Variants in LYST observed in about 807,000 individuals in gnomAD.
LYST encodes the protein lysosomal trafficking regulator.
In LYST, 192 loss-of-function variants were observed where a neutral mutation model predicts 413.6. That is an observed-to-expected ratio of 0.46 (90% CI 0.41 to 0.52). The LOEUF is 0.52. Ranked by LOEUF, LYST falls within the 20% of genes least tolerant of loss-of-function variation. LYST has a pLI of 0.00. For missense variants in LYST, 3,815 were observed against 4,499.9 expected (o/e 0.85, Z 4.35); for synonymous variants, 1,525 against 1,567.3 (o/e 0.97, Z 0.64).
chr1:235,853,828 C>A (rs557954825), intron 1 of LYST, among the ~76,000 whole-genome samples: 1 of 152,110 alleles, frequency 6.6e-6, no homozygotes, highest in Non-Finnish European at 1.5e-5. Flanking sequence ...CACACTAAAA[C>A]GCACCAAACT....
At chr1:235,757,835 T>C (rs181510711) in intron 23 of LYST, among the ~76,000 whole-genome samples, 20 of 152,258 alleles carry the variant, frequency 1.3e-4, no homozygotes, top group African/African-American at 4.8e-4. Flanking sequence ...ATGTCCATCA[T>C]TGCAGAAAGT....
chr1:235,791,393 C>T (rs943744324), intron 12 of LYST, among the ~76,000 whole-genome samples: 1 of 151,954 alleles, frequency 6.6e-6, no homozygotes, highest in African/African-American at 2.4e-5. Flanking sequence ...CAGGAGCCAC[C>T]CTAATCCAGT....
At chr1:235,673,558 A>G (rs1182209825) in intron 50 of LYST, among the ~76,000 whole-genome samples, 1 of 151,994 alleles carries the variant, frequency 6.6e-6, no homozygotes, top group Non-Finnish European at 1.5e-5. Flanking sequence ...CGAAGGAGTC[A>G]CCGCCCCCCA....
chr1:235,874,212 C>T (rs1387402499), intron 1 of LYST, among the ~76,000 whole-genome samples: 1 of 152,222 alleles, frequency 6.6e-6, no homozygotes, highest in African/African-American at 2.4e-5. Flanking sequence ...CCAACTCTAC[C>T]TAGTCCCACA....
intron 1 of LYST, among the ~76,000 whole-genome samples, chr1:235,873,624 G>T (rs1382740053): frequency 6.6e-6 from 1 of 152,076 alleles, no homozygotes; most frequent in Admixed American, 6.5e-5. Context: ...AGAGAGATTT[G>T]GGTCTATTAT....
intron 38 of LYST, among the ~76,000 whole-genome samples, chr1:235,727,751 T>C (rs1664019087): frequency 1.3e-5 from 2 of 152,174 alleles, no homozygotes; most frequent in African/African-American, 2.4e-5. Context: ...AGGTACTTGA[T>C]AGTGAACTGG....
At chr1:235,882,444 G>C (rs1446025303) in intron 1 of LYST, among the ~76,000 whole-genome samples, 1 of 152,152 alleles carries the variant, frequency 6.6e-6, no homozygotes, top group Non-Finnish European at 1.5e-5. Flanking sequence ...CCATTAAGCT[G>C]GATATATGCC....
In LYST at chr1:235,661,361, T is replaced by G. The variant is rs1023032835; in HGVS notation, c.*1579A>C. 6.6e-6 allele frequency: 1 copy of G among 152,516 alleles called. No individual in the cohort carries two copies. The highest frequency in any genetic ancestry group is 2.4e-5 in the African/African-American group (1 of 41,420). The allele number at this position is 152,516 out of a possible 1,614,324, so 9.4% of individuals were successfully genotyped here. A position where few individuals can be genotyped will look rare whatever the true frequency, so the allele number is the denominator to read the frequency against. On this transcript the variant is annotated 3_prime_UTR_variant, in exon 53 of 53. Coordinates refer to ENST00000389793, the MANE Select transcript of LYST (RefSeq NM_000081.4). ...TAATTTAAAGTTCTCAGTAAAAAAA[T>G]GAAAGCTAGACAATAGCTGCAATTT...
Position 235,810,557 on chromosome 1 carries a change from C to T in LYST, c.284-23G>A, listed in dbSNP as rs200965362. 548 of 1,595,610 alleles carry T rather than the reference C, an allele frequency of 3.4e-4. 5 individuals carry two copies. The highest frequency in any genetic ancestry group is 3.0e-3 in the South Asian group (269 of 90,766). On this transcript the variant is annotated intron_variant, in intron 4 of 52. Coordinates refer to ENST00000389793, the MANE Select transcript of LYST (RefSeq NM_000081.4). ...AATCTAATGGAATGAAAAAAGAAGGCTTAGAATACCTCAATATGTTTTAAA... is the reference window on the plus strand; with the variant it reads ...AATCTAATGGAATGAAAAAAGAAGGTTTAGAATACCTCAATATGTTTTAAA...
At chr1:235,767,158 C>A (rs746819166) in intron 20 of LYST, among the ~76,000 whole-genome samples, 5 of 152,078 alleles carry the variant, frequency 3.3e-5, no homozygotes, top group Non-Finnish European at 7.4e-5. Context: ...TTATATCCTC[C>A]AATTCCATCT....
chr1:235,761,409 C>T (rs1667572148), intron 22 of LYST, among the ~76,000 whole-genome samples: 1 of 152,074 alleles, frequency 6.6e-6, no homozygotes, highest in Admixed American at 6.6e-5. Flanking sequence ...AAAACCTGCA[C>T]CTATTCTTTT....
Position 235,809,806 on chromosome 1 carries a change from C to T in LYST, c.1012G>A (p.Asp338Asn). ...GGCATCATCTCTGCAGTACTAACAT[C>T]TACTGACAGAAGATGCAACACTGTT... ...FRTVLHLLSV[D>N]VSTAEMMPEN... Residue 338 changes from aspartate (D) to asparagine (N), a missense_variant, in exon 5 of 53, where the codon GAT (aspartate) becomes AAT (asparagine). By Grantham distance (23) the Asp-to-Asn change is conservative. Coordinates refer to ENST00000389793, the MANE Select transcript of LYST (RefSeq NM_000081.4). This position sits in a 1 kb window ranked among gnomAD's most constrained non-coding sequence, Gnocchi z 4.0. 6.2e-7 allele frequency: 1 copy of T among 1,614,032 alleles called. No individual in the cohort carries two copies. The highest frequency in any genetic ancestry group is 8.5e-7 in the Non-Finnish European group (1 of 1,179,982).
At chr1:235,743,953 A>G in intron 30 of LYST, 26 bp downstream of exon 30, 1 of 1,189,784 alleles carries the variant, frequency 8.4e-7, no homozygotes, top group Non-Finnish European at 1.3e-6. Context: ...GTGAATGAAC[A>G]TTTCCCATGT....
intron 16 of LYST, among the ~76,000 whole-genome samples, chr1:235,779,782 TCAACAA>T (rs776444896): frequency 9.3e-4 from 142 of 152,038 alleles, no homozygotes; most frequent in African/African-American, 2.3e-3. Context: ...TCCCCGCAAC[TCAACAA>T]CAACAACAAC....
intron 50 of LYST, among the ~76,000 whole-genome samples, chr1:235,675,622 G>A (rs1164565993): frequency 6.6e-6 from 1 of 152,152 alleles, no homozygotes; most frequent in African/African-American, 2.4e-5. Flanking sequence ...GACTCCAGGA[G>A]GACAGACACT....
At chr1:235,681,857 T>G (rs1342651674) in intron 48 of LYST, among the ~76,000 whole-genome samples, 1 of 152,136 alleles carries the variant, frequency 6.6e-6, no homozygotes, top group African/African-American at 2.4e-5. Context: ...TATTTTATAT[T>G]CTGTGTAATT....
intron 45 of LYST, among the ~76,000 whole-genome samples, chr1:235,697,943 T>C (rs1389392633): frequency 6.6e-6 from 1 of 152,178 alleles, no homozygotes. Context: ...GTGAAGACTC[T>C]AGAGAGATAC....
At chr1:235,804,360 C>G (rs572608324) in intron 7 of LYST, 144 bp downstream of exon 7, 3 of 727,672 alleles carry the variant, frequency 4.1e-6, no homozygotes, top group Non-Finnish European at 7.5e-6. Context: ...ATATCCATCA[C>G]GAGGAGATAA....
intron 12 of LYST, among the ~76,000 whole-genome samples, chr1:235,791,280 C>CA (rs200787319): frequency 1.5e-4 from 22 of 148,826 alleles, no homozygotes; most frequent in Admixed American, 4.7e-4. Context: ...GAAACTGTCT[C>CA]AAAAAAAAAG....
Sources: allele counts gnomAD v4.1 joint callset (sites outside exome capture counted in the v4.1 genomes callset), GRCh38; gene constraint gnomAD v4.1.1; non-coding constraint Gnocchi (gnomAD v3.1); transcripts MANE v1.5; gene names NCBI Gene and HGNC (gene_info 2026-07-23, HGNC 2026-07-21).